Variants in ASAP1 observed in about 807,000 individuals in gnomAD.
ASAP1 encodes the protein ArfGAP with SH3 domain, ankyrin repeat and PH domain 1.
A neutral mutation model predicts 145.2 loss-of-function variants in ASAP1; 43 were observed. The ratio of observed to expected loss-of-function variants is 0.30; its 90% CI spans 0.23 to 0.38. The LOEUF (loss-of-function observed/expected upper bound fraction) is 0.38. ASAP1 is among the 10% of genes least tolerant of loss of function. The pLI is 1.00. For missense variants in ASAP1, 1,018 were observed against 1,355.3 expected (o/e 0.75, Z 3.91); for synonymous variants, 546 against 515.5 (o/e 1.06, Z -0.80).
chr8:130,144,498 C>T (rs1013814373), intron 13 of ASAP1, among the ~76,000 whole-genome samples: 6 of 152,194 alleles, frequency 3.9e-5, no homozygotes, highest in South Asian at 2.1e-4. Context: ...TCTCTTCTCA[C>T]TTATCACACT....
Position 130,406,047 on chromosome 8 carries a change from C to A in ASAP1, c.-27-4077G>T, listed in dbSNP as rs1829012534. Among the ~76,000 whole-genome samples, 2 of 152,314 alleles carry A rather than the reference C, an allele frequency of 1.3e-5. 1 individual carries two copies. Among genetic ancestry groups the A allele is most frequent in the African/African-American group, 4.8e-5 (2 of 41,566 alleles). The stretch of plus-strand genomic sequence containing the variant: ...CCTGAAGATAAATACTGTTCCTATA[C>A]TAAGGCGATTTCATTTCTGGGACTC... On this transcript the variant is annotated intron_variant, in intron 1 of 29. Coordinates refer to ENST00000518721, the MANE Select transcript of ASAP1 (RefSeq NM_018482.4).
Position 130,276,728 on chromosome 8 carries a change from A to ACACTCTCTCT in ASAP1, c.187-39735_187-39734insAGAGAGAGTG, listed in dbSNP as rs548512902. Among the ~76,000 whole-genome samples the ACACTCTCTCT allele has an allele frequency of 7.1e-4, 62 of 87,318 alleles. 1 individual carries two copies. Among genetic ancestry groups the ACACTCTCTCT allele is most frequent in the Middle Eastern group, 8.5e-3 (1 of 118 alleles). The allele number at this position is 87,318 out of a possible 152,430, so 57.3% of individuals were successfully genotyped here. ...CACACACACACACACACACACACAC[A>ACACTCTCTCT]CTCTCTCTCTCTCTCTCTCTCTCTC... On this transcript the variant is annotated intron_variant, in intron 3 of 29. Transcript: ENST00000518721.
intron 5 of ASAP1, among the ~76,000 whole-genome samples, chr8:130,203,674 G>C (rs1158451330): frequency 1.3e-5 from 2 of 152,224 alleles, no homozygotes; most frequent in Non-Finnish European, 2.9e-5. Flanking sequence ...GGAAGGGAAT[G>C]TGGAGTGGAA....
intron 3 of ASAP1, among the ~76,000 whole-genome samples, chr8:130,256,753 A>ATC (rs1186114359): frequency 1.5e-5 from 1 of 67,040 alleles, no homozygotes; most frequent in African/African-American, 6.8e-5. Context: ...ATATATATAT[A>ATC]TATATATATA....
At chr8:130,078,391 C>T (rs1383411120) in intron 26 of ASAP1, among the ~76,000 whole-genome samples, 1 of 152,042 alleles carries the variant, frequency 6.6e-6, no homozygotes, top group Admixed American at 6.6e-5. Flanking sequence ...ATTTCCTGGG[C>T]TCAGGCGGTC....
At chr8:130,101,429 A>G (rs2097528550) in intron 24 of ASAP1, among the ~76,000 whole-genome samples, 2 of 152,150 alleles carry the variant, frequency 1.3e-5, no homozygotes, top group Non-Finnish European at 1.5e-5. Flanking sequence ...ATGTCTTTCC[A>G]TTTTTAATTG....
intron 3 of ASAP1, among the ~76,000 whole-genome samples, chr8:130,298,825 C>T (rs188443630): frequency 5.9e-5 from 9 of 152,146 alleles, no homozygotes; most frequent in African/African-American, 1.4e-4. Context: ...TCTCCCAGAA[C>T]CTCTGCACTA....
intron 3 of ASAP1, among the ~76,000 whole-genome samples, chr8:130,326,276 C>CT (rs1321679735): frequency 6.6e-6 from 1 of 152,198 alleles, no homozygotes; most frequent in Non-Finnish European, 1.5e-5. Context: ...CAGGAGTTTG[C>CT]TTTTACAAGT....
At chr8:130,350,729 A>T (rs1825946924) in intron 3 of ASAP1, among the ~76,000 whole-genome samples, 1 of 152,350 alleles carries the variant, frequency 6.6e-6, no homozygotes, top group Non-Finnish European at 1.5e-5. Context: ...GCCAGAGTAG[A>T]TATTCTCCAA....
intron 4 of ASAP1, among the ~76,000 whole-genome samples, chr8:130,218,753 C>A (rs959839026): frequency 6.6e-6 from 1 of 151,976 alleles, no homozygotes; most frequent in African/African-American, 2.4e-5. Flanking sequence ...TGAAATGTGA[C>A]GTGAGTGAGG....
chr8:130,243,480 A>G (rs551198041), intron 3 of ASAP1, among the ~76,000 whole-genome samples: 1 of 152,298 alleles, frequency 6.6e-6, no homozygotes, highest in East Asian at 1.9e-4. Context: ...GGAAAGATGA[A>G]AGAATTCACT....
intron 24 of ASAP1, among the ~76,000 whole-genome samples, chr8:130,101,858 G>A (rs536886665): frequency 6.6e-6 from 1 of 150,430 alleles, no homozygotes; most frequent in South Asian, 2.1e-4. Context: ...CAGGCATGAA[G>A]CATCACACCC....
intron 2 of ASAP1, among the ~76,000 whole-genome samples, chr8:130,368,108 C>T (rs1019422668): frequency 3.9e-5 from 6 of 152,088 alleles, no homozygotes; most frequent in Non-Finnish European, 1.5e-5. Context: ...AGACAGCATC[C>T]AGCTTCTGTT....
intron 3 of ASAP1, among the ~76,000 whole-genome samples, chr8:130,330,236 T>G (rs1824596334): frequency 6.6e-6 from 1 of 152,260 alleles, no homozygotes; most frequent in Admixed American, 6.5e-5. Context: ...ACCCATCTAA[T>G]GGGAGTCTCC....
chr8:130,291,031 T>C (rs1037441418), intron 3 of ASAP1, among the ~76,000 whole-genome samples: 4 of 152,220 alleles, frequency 2.6e-5, no homozygotes, highest in African/African-American at 9.7e-5. Flanking sequence ...TGCCAAGTTA[T>C]ACCATTTCAG....
At chr8:130,246,215 C>G (rs1389165508) in intron 3 of ASAP1, among the ~76,000 whole-genome samples, 1 of 152,080 alleles carries the variant, frequency 6.6e-6, no homozygotes. Flanking sequence ...CCGAGAGAGA[C>G]TAGATGAGTG....
intron 1 of ASAP1, among the ~76,000 whole-genome samples, chr8:130,442,450 T>C (rs1019545807): frequency 6.6e-6 from 1 of 152,076 alleles, no homozygotes; most frequent in African/African-American, 2.4e-5. Context: ...CGCGCTACAA[T>C]TGCAAAACAG....
At chr8:130,159,405 A>G (rs7009083) in intron 12 of ASAP1, among the ~76,000 whole-genome samples, 140,679 of 151,934 alleles carry the variant, frequency 0.93, 65,296 homozygotes, top group East Asian at 1. Context: ...GGCAGATCAC[A>G]AGGTCAGAAG....
intron 13 of ASAP1, among the ~76,000 whole-genome samples, chr8:130,147,264 T>A (rs1417443638): frequency 2.0e-5 from 3 of 151,134 alleles, no homozygotes; most frequent in Non-Finnish European, 4.4e-5. Flanking sequence ...TGGGGATAGT[T>A]GTACATTAGA....
Sources: gnomAD v4.1 joint callset for allele counts (sites outside exome capture counted in the v4.1 genomes callset) on GRCh38, gnomAD v4.1.1 for gene constraint, MANE v1.5 for transcripts, NCBI Gene and HGNC (gene_info 2026-07-23, HGNC 2026-07-21) for gene names.